The following LGR6 variants were observed in gnomAD, a reference collection of about 807,000 sequenced individuals.
LGR6 encodes leucine-rich repeat-containing G protein-coupled receptor 6.
LGR6 carries 45 observed loss-of-function variants against 69.4 expected under a neutral mutation model. That is an observed-to-expected ratio of 0.65 (90% confidence interval 0.51 to 0.83). LGR6 has a LOEUF of 0.83. Among genes scored for constraint, LGR6 ranks in the 40% least tolerant of loss-of-function variants. The probability of loss-of-function intolerance (pLI) is 0.00; values close to 1 mark genes in which losing one functional copy is unlikely to be tolerated. For missense variants in LGR6, 1,108 were observed against 1,246.7 expected (o/e 0.89, Z 1.68); for synonymous variants, 538 against 555.0 (o/e 0.97, Z 0.43).
chr1:202,288,455 T>G (rs1666558068), intron 6 of LGR6, among the ~76,000 whole-genome samples: 1 of 152,230 alleles, frequency 6.6e-6, no homozygotes, highest in Non-Finnish European at 1.5e-5. Flanking sequence ...AATAAATGTT[T>G]GGTGAACAAA....
In LGR6 at chr1:202,319,202, G is replaced by C; in HGVS notation, c.2899G>C (p.Val967Leu). 2 of 1,590,134 alleles carry C rather than the reference G, an allele frequency of 1.3e-6. No individual in the cohort carries two copies. Among genetic ancestry groups the C allele is most frequent in the Admixed American group, 1.8e-5 (1 of 56,706 alleles). Residue 967 changes from valine to leucine, a missense_variant, in exon 18 of 18, where the codon GTG becomes CTG. Coordinates refer to ENST00000367278, the MANE Select transcript of LGR6 (RefSeq NM_001017403.2). ...QPSGLAFASH[V>L] ...CTCTGGCTTGGCCTTTGCTTCACAC[G>C]TGTAAATATCCCTCCCCATTCTTCT...
At chr1:202,308,400 T>G (rs980180732) in intron 14 of LGR6, among the ~76,000 whole-genome samples, 1 of 152,164 alleles carries the variant, frequency 6.6e-6, no homozygotes, top group African/African-American at 2.4e-5. Flanking sequence ...AGTGCCAGGT[T>G]TCCTGCCTTC....
intron 1 of LGR6, chr1:202,204,010 C>A: frequency 1.5e-6 from 1 of 684,716 alleles, no homozygotes; most frequent in Non-Finnish European, 2.7e-6. Flanking sequence ...CCCCATCTGT[C>A]TGTATGTTTG....
chr1:202,234,934 C>T (rs1661400260), intron 3 of LGR6, among the ~76,000 whole-genome samples: 1 of 152,180 alleles, frequency 6.6e-6, no homozygotes, highest in South Asian at 2.1e-4. Flanking sequence ...TTCCTCCCTT[C>T]TTGCTTCCCC....
intron 4 of LGR6, among the ~76,000 whole-genome samples, chr1:202,274,849 A>G (rs1665407259): frequency 6.6e-6 from 1 of 152,178 alleles, no homozygotes; most frequent in African/African-American, 2.4e-5. Context: ...CATCATGTCA[A>G]GTTTGATGTG....
chr1:202,217,786 C>G (rs1201378133), intron 1 of LGR6, among the ~76,000 whole-genome samples: 1 of 152,186 alleles, frequency 6.6e-6, no homozygotes, highest in African/African-American at 2.4e-5. Flanking sequence ...CTTTTACCAA[C>G]AAGGGAGCCA....
chr1:202,255,203 G>A (rs781460755), intron 4 of LGR6, among the ~76,000 whole-genome samples: 2 of 152,228 alleles, frequency 1.3e-5, no homozygotes, highest in Non-Finnish European at 2.9e-5. Flanking sequence ...TTTTCGTGGA[G>A]ACAGATGTGT....
At chr1:202,266,324 C>T (rs767169579) in intron 4 of LGR6, among the ~76,000 whole-genome samples, 3 of 151,970 alleles carry the variant, frequency 2.0e-5, no homozygotes, top group Non-Finnish European at 2.9e-5. Context: ...GGCTCTCGGA[C>T]GGACAGAGCC....
At chr1:202,307,475 A>C in intron 14 of LGR6, 74 bp downstream of exon 14, 3 of 1,276,196 alleles carry the variant, frequency 2.4e-6, no homozygotes, top group Non-Finnish European at 3.4e-6. Flanking sequence ...TGGAGGCAGA[A>C]GGGCCACCCC....
chr1:202,226,685 C>G (rs1444587004), intron 2 of LGR6, among the ~76,000 whole-genome samples: 1 of 152,188 alleles, frequency 6.6e-6, no homozygotes, highest in Non-Finnish European at 1.5e-5. Context: ...CAGGGAATGT[C>G]CAGGTGAGGC....
intron 5 of LGR6, among the ~76,000 whole-genome samples, chr1:202,279,341 C>T (rs1305481159): frequency 6.6e-6 from 1 of 152,104 alleles, no homozygotes; most frequent in African/African-American, 2.4e-5. Flanking sequence ...CAGACAGAAG[C>T]TTTAAATCCC....
At chr1:202,309,597 C>T (rs533513071) in intron 15 of LGR6, among the ~76,000 whole-genome samples, 4 of 152,256 alleles carry the variant, frequency 2.6e-5, no homozygotes, top group Non-Finnish European at 5.9e-5. Flanking sequence ...GGCCGTGGTG[C>T]TAATGACATC....
At chr1:202,291,921 A>G (rs1379963607) in intron 6 of LGR6, among the ~76,000 whole-genome samples, 2 of 152,224 alleles carry the variant, frequency 1.3e-5, no homozygotes, top group African/African-American at 2.4e-5. Context: ...GAAAAGTTCC[A>G]AGAGAGTGAG....
At chr1:202,271,831 AG>A (rs1665134545) in intron 4 of LGR6, among the ~76,000 whole-genome samples, 8 of 132,632 alleles carry the variant, frequency 6.0e-5, no homozygotes, top group South Asian at 2.6e-4. Flanking sequence ...AAAAAAAAAG[AG>A]AGAGGGGAGA....
At chr1:202,208,388 G>C (rs1395026368) in intron 1 of LGR6, among the ~76,000 whole-genome samples, 1 of 150,812 alleles carries the variant, frequency 6.6e-6, no homozygotes, top group East Asian at 1.9e-4. Flanking sequence ...AGAGGGGAGA[G>C]AGAGAGGAGA....
At chr1:202,294,284 TAAAC>T (rs956009537) in intron 6 of LGR6, among the ~76,000 whole-genome samples, 1 of 152,196 alleles carries the variant, frequency 6.6e-6, no homozygotes, top group Non-Finnish European at 1.5e-5. Context: ...GAGAAGAAAA[TAAAC>T]AAATATATGT....
intron 4 of LGR6, among the ~76,000 whole-genome samples, chr1:202,259,594 A>G (rs910971855): frequency 1.3e-5 from 2 of 152,310 alleles, no homozygotes; most frequent in South Asian, 2.1e-4. Flanking sequence ...GATGTAAATG[A>G]TGCTTTGTCT....
chr1:202,241,838 G>C (rs964465053), intron 4 of LGR6, among the ~76,000 whole-genome samples: 3 of 152,068 alleles, frequency 2.0e-5, no homozygotes, highest in African/African-American at 7.2e-5. Context: ...GATACTCTAG[G>C]GGGGAAATGC....
chr1:202,300,749 G>T, intron 7 of LGR6, 100 bp from the exon 8 acceptor site: 1 of 715,496 alleles, frequency 1.4e-6, no homozygotes, highest in South Asian at 2.1e-5. Context: ...TTGTCTTATG[G>T]ACTGTCTAGC....
Sources: gnomAD v4.1 joint callset for allele counts (sites outside exome capture counted in the v4.1 genomes callset) on GRCh38, gnomAD v4.1.1 for gene constraint, MANE v1.5 for transcripts, NCBI Gene and HGNC (gene_info 2026-07-23, HGNC 2026-07-21) for gene names.